LARGE1: variants seen among roughly 807,000 people sequenced by gnomAD.
LARGE1 encodes xylosyl- and glucuronyltransferase LARGE1.
Under a neutral mutation model 87.6 loss-of-function variants are expected in LARGE1, and 43 were observed. The observed-to-expected ratio is 0.49, with a 90% confidence interval of 0.38 to 0.63. The LOEUF (loss-of-function observed/expected upper bound fraction) is 0.63, where lower values mean the gene tolerates loss of function less well. Ranked by LOEUF, LARGE1 falls within the 30% of genes least tolerant of loss-of-function variation. The probability of loss-of-function intolerance (pLI) is 0.00; values close to 1 mark genes in which losing one functional copy is unlikely to be tolerated. For synonymous variants in LARGE1, 434 were observed against 394.6 expected, an observed-to-expected ratio of 1.10 and a Z score of -1.18; for missense variants, 802 against 1,000.2, an observed-to-expected ratio of 0.80 and a Z score of 2.67.
chr22:33,713,062 A>G (rs1185817847), intron 2 of LARGE1, among the ~76,000 whole-genome samples: 17 of 152,190 alleles, frequency 1.1e-4, no homozygotes, highest in Admixed American at 1.1e-3. Flanking sequence ...TGAAGGGCTG[A>G]GATGTGCTAA....
chr22:33,673,051 G>C (rs1350641476), intron 2 of LARGE1, among the ~76,000 whole-genome samples: 2 of 152,156 alleles, frequency 1.3e-5, no homozygotes, highest in African/African-American at 4.8e-5. Context: ...GAGGCAGGCA[G>C]ATCACGAGGT....
chr22:33,758,506 T>G (rs2084605805), intron 2 of LARGE1, among the ~76,000 whole-genome samples: 1 of 152,150 alleles, frequency 6.6e-6, no homozygotes, highest in African/African-American at 2.4e-5. Context: ...AGCTCGTGAT[T>G]TGGTCCCAAG....
At chr22:33,820,711 C>A (rs537173498) in intron 1 of LARGE1, among the ~76,000 whole-genome samples, 1 of 152,182 alleles carries the variant, frequency 6.6e-6, no homozygotes, top group South Asian at 2.1e-4. Flanking sequence ...TATTGCCAGG[C>A]CCTATACTTC....
At chr22:33,872,261 C>T (rs368570949) in intron 1 of LARGE1, among the ~76,000 whole-genome samples, 6 of 151,916 alleles carry the variant, frequency 3.9e-5, no homozygotes, top group African/African-American at 1.4e-4. Flanking sequence ...GTGAAATGGG[C>T]ACGCCAGCAT....
At chr22:33,290,760 T>C (rs1054937667) in intron 12 of LARGE1, among the ~76,000 whole-genome samples, 13 of 152,056 alleles carry the variant, frequency 8.5e-5, no homozygotes, top group Non-Finnish European at 1.5e-4. Flanking sequence ...CCTTCCCAGC[T>C]AGGCGCGGTG....
rs542810319 is a variant in LARGE1, at chr22:33,551,855, G to C, written c.787+12993C>G. 2.4e-4 allele frequency among the ~76,000 whole-genome samples: 37 copies of C among 152,110 alleles called. 2 individuals carry two copies. The South Asian group carries it at 2.5e-3, about 10-fold the overall frequency. On this transcript the variant is annotated intron_variant, in intron 6 of 14. Coordinates refer to ENST00000397394, the MANE Select transcript of LARGE1 (RefSeq NM_133642.5). ...AAAATACAAAAAAATTTAGCCGGGC[G>C]TGATGATGGGCGCCTGTAGTCCCAG...
chr22:33,167,172 C>G (rs1025049890), intron 11 of LARGE1, among the ~76,000 whole-genome samples: 1 of 152,154 alleles, frequency 6.6e-6, no homozygotes, highest in African/African-American at 2.4e-5. Context: ...AAAATCAGAT[C>G]TAATTGGAAG....
intron 5 of LARGE1, among the ~76,000 whole-genome samples, chr22:33,599,846 G>T (rs537811392): frequency 2.0e-5 from 3 of 152,272 alleles, no homozygotes; most frequent in Admixed American, 2.0e-4. Flanking sequence ...GGAACACGGC[G>T]CAAGTCCATT....
chr22:33,103,737 A>T, the LARGE1 span, among the ~76,000 whole-genome samples: 84 of 152,316 alleles, frequency 5.5e-4, 3 homozygotes, highest in South Asian at 0.011. Flanking sequence ...TTGGAAGTTT[A>T]TATGGTTTGG....
intron 1 of LARGE1, among the ~76,000 whole-genome samples, chr22:33,916,205 C>T (rs931881478): frequency 4.0e-5 from 6 of 151,888 alleles, no homozygotes; most frequent in South Asian, 2.1e-4. Flanking sequence ...TGCTTGAACC[C>T]GGGAGGCGGA....
At chr22:33,195,799 G>A (rs1299023285) in intron 11 of LARGE1, among the ~76,000 whole-genome samples, 1 of 142,144 alleles carries the variant, frequency 7.0e-6, no homozygotes, top group African/African-American at 2.6e-5. Context: ...CTGTCGCCCA[G>A]GCTGGAGTGC....
chr22:33,106,499 T>C, the LARGE1 span, among the ~76,000 whole-genome samples: 217 of 152,206 alleles, frequency 1.4e-3, no homozygotes, highest in African/African-American at 5.0e-3. Flanking sequence ...ATTCCTTTTT[T>C]TTTTTTCTTT....
chr22:33,368,533 C>CAAA (rs34999879), intron 9 of LARGE1, among the ~76,000 whole-genome samples: 8 of 115,636 alleles, frequency 6.9e-5, no homozygotes, highest in South Asian at 7.0e-4. Flanking sequence ...GACTCTTTCT[C>CAAA]AAAAAAAAAA....
At chr22:33,105,537 C>G in the LARGE1 span, 1 of 152,092 alleles carries the variant, frequency 6.6e-6, no homozygotes, top group Non-Finnish European at 1.5e-5. Flanking sequence ...CGAGGCTCCC[C>G]GAGAGAACTG....
rs1471186659 is a variant in LARGE1 at position 33,434,579 on chromosome 22, G to A, written c.788-2314C>T. On this transcript the variant is annotated intron_variant, in intron 6 of 14. Transcript: ENST00000397394. ...CTCCCAAAGTGCTGGGATTACAAGC[G>A]TGAGCCACTGCGCCCAGCCTGGGAA... Among the ~76,000 whole-genome samples, 9 of 152,116 alleles carry A rather than the reference G, an allele frequency of 5.9e-5. No homozygotes were observed. In the East Asian group the frequency reaches 1.5e-3, roughly 26 times the overall value.
Position 33,277,255 on chromosome 22 carries a change from C to T in LARGE1, c.1878G>A (p.Arg626=). Residue 626 remains arginine (R), a splice_region_variant and synonymous_variant, in exon 14 of 15, where the codon AGG becomes AGA. Transcript: ENST00000397394. ...MLDMGTLFTF[R]YHVWTKGHAP... is the part of the protein sequence containing the mutation. ...CGTGGCCTTTCGTCCAGACGTGGTA[C>T]CTGAGACACACGGAGAAAAGCCATT... 1 of 1,614,104 alleles carries T rather than the reference C, an allele frequency of 6.2e-7. No homozygotes were observed. The highest frequency in any genetic ancestry group is 8.5e-7 in the Non-Finnish European group (1 of 1,179,976).
rs116482625 is a variant in LARGE1, at chr22:33,833,262, G to A, written c.-82-71704C>T. ...TCAAACCAGTGACCCTCGGTTACAG[G>A]CTTAACTGTGCCTCCCCTAAAATGC... On this transcript the variant is annotated intron_variant, in intron 1 of 14. Coordinates refer to ENST00000397394, the MANE Select transcript of LARGE1 (RefSeq NM_133642.5). Among the ~76,000 whole-genome samples the A allele has an allele frequency of 9.5e-3, 1,444 of 152,286 alleles. 19 individuals are homozygous for A. Among genetic ancestry groups the A allele is most frequent in the African/African-American group, 0.032 (1,312 of 41,530 alleles).
intron 2 of LARGE1, among the ~76,000 whole-genome samples, chr22:33,713,075 A>C (rs1239221528): frequency 6.6e-6 from 1 of 152,184 alleles, no homozygotes; most frequent in East Asian, 1.9e-4. Flanking sequence ...TGTGCTAAGA[A>C]GCAGCTCAGT....
chr22:33,501,157 G>C (rs969401409), intron 6 of LARGE1, among the ~76,000 whole-genome samples: 4 of 152,186 alleles, frequency 2.6e-5, no homozygotes, highest in African/African-American at 9.7e-5. Context: ...ACATTAAAGA[G>C]TCATACTCAG....
Sources: gnomAD v4.1 joint callset for allele counts (sites outside exome capture counted in the v4.1 genomes callset) on GRCh38, gnomAD v4.1.1 for gene constraint, MANE v1.5 for transcripts, NCBI Gene and HGNC (gene_info 2026-07-23, HGNC 2026-07-21) for gene names.